DUSP22: variants seen among roughly 807,000 people sequenced by gnomAD.
DUSP22 encodes the protein dual specificity protein phosphatase 22.
DUSP22 carries 24 observed loss-of-function variants against 24.5 expected under a neutral mutation model. That is an observed-to-expected ratio of 0.98 (90% CI 0.71 to 1.38). The LOEUF is 1.38. Among genes scored for constraint, DUSP22 ranks in the 40% most tolerant of loss-of-function variants. The pLI is 0.00. For synonymous variants in DUSP22, 160 were observed against 106.4 expected (o/e 1.50, Z -3.10); for missense variants, 330 against 269.2 (o/e 1.23, Z -1.58).
At chr6:326,929 CTT>C (rs1452597810) in intron 3 of DUSP22, among the ~76,000 whole-genome samples, 1 of 152,310 alleles carries the variant, frequency 6.6e-6, no homozygotes, top group Non-Finnish European at 1.5e-5. Context: ...ATCAGAATGA[CTT>C]TGTGCAATGG....
Position 348,947 on chromosome 6 carries a change from C to T in DUSP22, c.614C>T (p.Thr205Ile), listed in dbSNP as rs747475435. ...ACCTACGATAATTATACGACGGAGA[C>T]CTAACGCAAGCGACCTGCTGCCTTC... ...PLTYDNYTTE[T>I] The change falls in exon 7 of 7, where the codon ACC (threonine) becomes ATC (isoleucine). Residue 205 changes from threonine to isoleucine, a missense_variant. Thr to Ile is a moderately conservative substitution (Grantham distance 89). Coordinates refer to ENST00000419235, the MANE Select transcript of DUSP22 (RefSeq NM_001286555.3). 1 of 1,592,534 alleles carries T rather than the reference C, an allele frequency of 6.3e-7. No individual in the cohort carries two copies. Among genetic ancestry groups the T allele is most frequent in the Admixed American group, 1.8e-5 (1 of 55,958 alleles).
intron 4 of DUSP22, among the ~76,000 whole-genome samples, chr6:338,520 A>G (rs886342873): frequency 2.0e-5 from 3 of 152,292 alleles, no homozygotes; most frequent in African/African-American, 4.8e-5. Context: ...TCATCAACCA[A>G]TGAGGATGGT....
At chr6:331,104 T>C (rs1358783546) in intron 3 of DUSP22, among the ~76,000 whole-genome samples, 2 of 152,304 alleles carry the variant, frequency 1.3e-5, no homozygotes, top group Non-Finnish European at 2.9e-5. Flanking sequence ...ACAGAGCCCA[T>C]TTTTCTTAAC....
chr6:297,345 TAC>T (rs1757382351), intron 1 of DUSP22, among the ~76,000 whole-genome samples: 1 of 152,312 alleles, frequency 6.6e-6, no homozygotes, highest in South Asian at 2.1e-4. Context: ...GAAGTGCAAA[TAC>T]AGTCTGTTTT....
At chr6:297,213 G>A (rs1161380626) in intron 1 of DUSP22, among the ~76,000 whole-genome samples, 1 of 152,302 alleles carries the variant, frequency 6.6e-6, no homozygotes, top group African/African-American at 2.4e-5. Context: ...AACCTTAGGT[G>A]GTTAGCTAAT....
chr6:321,893 G>A (rs1255125513), intron 3 of DUSP22, among the ~76,000 whole-genome samples: 1 of 152,310 alleles, frequency 6.6e-6, no homozygotes, highest in Non-Finnish European at 1.5e-5. Context: ...ATCCAGGGAT[G>A]TGAGTGCTCC....
intron 2 of DUSP22, among the ~76,000 whole-genome samples, chr6:311,593 T>C (rs983533136): frequency 2.6e-5 from 4 of 152,294 alleles, no homozygotes; most frequent in Non-Finnish European, 4.4e-5. Flanking sequence ...GGCAGGAGAA[T>C]TGTGTGAACC....
chr6:294,415 A>G (rs1312956024), intron 1 of DUSP22, among the ~76,000 whole-genome samples: 7 of 152,294 alleles, frequency 4.6e-5, no homozygotes, highest in African/African-American at 1.7e-4. Flanking sequence ...AACCTTCAGT[A>G]CAGGTCAGCA....
chr6:324,467 A>G (rs571694460), intron 3 of DUSP22, among the ~76,000 whole-genome samples: 203 of 152,354 alleles, frequency 1.3e-3, no homozygotes, highest in African/African-American at 4.6e-3. Context: ...AACTTGCTGC[A>G]TAACAGAGGG....
intron 1 of DUSP22, among the ~76,000 whole-genome samples, chr6:303,145 G>A (rs1164613031): frequency 1.3e-5 from 2 of 152,428 alleles, no homozygotes; most frequent in Middle Eastern, 3.4e-3. Flanking sequence ...AGAGACCCTC[G>A]GGAATGAGAG....
chr6:344,018 C>G (rs1467940107), intron 4 of DUSP22, among the ~76,000 whole-genome samples: 1 of 152,306 alleles, frequency 6.6e-6, no homozygotes, highest in Non-Finnish European at 1.5e-5. Context: ...TGCTATCCAT[C>G]CCGAGGTGTC....
chr6:344,661 C>T lies in DUSP22; in HGVS notation c.189-1193C>T, dbSNP rs995042763. On this transcript the variant is annotated intron_variant, in intron 4 of 6. Coordinates refer to ENST00000419235, the MANE Select transcript of DUSP22 (RefSeq NM_001286555.3). Reference sequence around the variant, plus strand: ...CATCTGCCCTGTGAGATACCAGCCCCACTTTATAAATGAGAAGATAAATGG... The same window carrying T: ...CATCTGCCCTGTGAGATACCAGCCCTACTTTATAAATGAGAAGATAAATGG... Among the ~76,000 whole-genome samples the T allele has an allele frequency of 5.9e-5, 9 of 152,420 alleles. No individual in the cohort carries two copies. In the East Asian group the frequency reaches 1.5e-3, roughly 26 times the overall value.
chr6:332,057 A>G (rs1465238687), intron 3 of DUSP22, among the ~76,000 whole-genome samples: 2 of 152,268 alleles, frequency 1.3e-5, no homozygotes, highest in Non-Finnish European at 2.9e-5. Flanking sequence ...CTTTCCTTGC[A>G]CTCATCTGGC....
At chr6:347,727 A>G (rs1266773031) in intron 5 of DUSP22, among the ~76,000 whole-genome samples, 3 of 152,306 alleles carry the variant, frequency 2.0e-5, no homozygotes, top group Non-Finnish European at 4.4e-5. Flanking sequence ...TGTAGGTTAT[A>G]AATGGGTTTG....
At chr6:303,716 T>C (rs1368191140) in intron 1 of DUSP22, among the ~76,000 whole-genome samples, 1 of 152,308 alleles carries the variant, frequency 6.6e-6, no homozygotes, top group Non-Finnish European at 1.5e-5. Flanking sequence ...ACTGTGTTCT[T>C]ATTTAAATTT....
intron 1 of DUSP22, among the ~76,000 whole-genome samples, chr6:302,615 G>A (rs552195301): frequency 3.0e-3 from 461 of 152,268 alleles, no homozygotes; most frequent in African/African-American, 0.011. Flanking sequence ...CTGAGTGCCC[G>A]GCATTGTGCC....
intron 6 of DUSP22, 41 bp downstream of exon 6, chr6:348,315 C>A (rs766093072): frequency 1.2e-6 from 2 of 1,611,272 alleles, no homozygotes; most frequent in Admixed American, 1.7e-5. Context: ...CAGGCAGGTG[C>A]CCCTGAACGG....
chr6:297,728 T>C (rs953779362), intron 1 of DUSP22, among the ~76,000 whole-genome samples: 1 of 152,304 alleles, frequency 6.6e-6, no homozygotes, highest in African/African-American at 2.4e-5. Context: ...CTGTGTGATC[T>C]GGAACTGGAG....
At chr6:332,557 G>A (rs1260907179) in intron 3 of DUSP22, among the ~76,000 whole-genome samples, 1 of 152,264 alleles carries the variant, frequency 6.6e-6, no homozygotes, top group African/African-American at 2.4e-5. Context: ...CCCATAGGAA[G>A]CACAATACTG....
Sources: allele counts gnomAD v4.1 joint callset (sites outside exome capture counted in the v4.1 genomes callset), GRCh38; gene constraint gnomAD v4.1.1; transcripts MANE v1.5; gene names NCBI Gene and HGNC (gene_info 2026-07-23, HGNC 2026-07-21).